Variants in RBP2 observed in about 807,000 individuals in gnomAD.
RBP2 encodes the protein retinol binding protein 2, also known as retinol-binding protein 2.
RBP2 carries 17 observed loss-of-function variants against 17.0 expected under a neutral mutation model. That is an observed-to-expected ratio of 1.00 (90% CI 0.68 to 1.50). The LOEUF (loss-of-function observed/expected upper bound fraction) is 1.50. Ranked by LOEUF, RBP2 falls within the 40% of genes most tolerant of loss-of-function variation. RBP2 has a pLI of 0.00. For synonymous variants in RBP2, 48 were observed against 57.1 expected (o/e 0.84, Z 0.72); for missense variants, 158 against 168.2 (o/e 0.94, Z 0.33).
intron 1 of RBP2, among the ~76,000 whole-genome samples, chr3:139,472,565 T>C (rs1253525518): frequency 1.3e-5 from 2 of 152,150 alleles, no homozygotes; most frequent in African/African-American, 4.8e-5. Context: ...AGACCACATG[T>C]AGATGCTGAA....
rs1036053867 is a variant in RBP2, at chr3:139,464,197, C to T, written c.74-1907G>A. Reference sequence around the variant, plus strand: ...CTTTGGGTCTGGGCCTGGTGGCTCACGCCTGTAATCCCAGCACTTTGGGAG... The same window carrying T: ...CTTTGGGTCTGGGCCTGGTGGCTCATGCCTGTAATCCCAGCACTTTGGGAG... On this transcript the variant is annotated intron_variant, in intron 1 of 3. Transcript: ENST00000232217. Among the ~76,000 whole-genome samples, 12 of 152,266 alleles carry T rather than the reference C, an allele frequency of 7.9e-5. No homozygotes were observed. In the South Asian group the frequency reaches 1.9e-3, roughly 24 times the overall value.
intron 3 of RBP2, among the ~76,000 whole-genome samples, 196 bp downstream of exon 3, chr3:139,454,533 A>G (rs926960498): frequency 6.6e-6 from 1 of 152,244 alleles, no homozygotes; most frequent in Non-Finnish European, 1.5e-5. Context: ...CTGTTCACAG[A>G]AACAGCCATA....
intron 1 of RBP2, among the ~76,000 whole-genome samples, chr3:139,464,964 A>G (rs1023311731): frequency 6.6e-6 from 1 of 152,206 alleles, no homozygotes; most frequent in Non-Finnish European, 1.5e-5. Flanking sequence ...AAAGACTTCT[A>G]TGGTTTAAAA....
intron 1 of RBP2, among the ~76,000 whole-genome samples, chr3:139,463,272 T>C (rs1933253728): frequency 6.6e-6 from 1 of 151,814 alleles, no homozygotes; most frequent in Non-Finnish European, 1.5e-5. Flanking sequence ...CTATAAGCTC[T>C]GCCTCCCAGG....
chr3:139,453,138 C>T lies in RBP2; in HGVS notation c.383G>A (p.Arg128His), dbSNP rs117646086. The change falls in exon 4 of 4, where the codon CGT becomes CAT. Residue 128 changes from arginine (R) to histidine (H), a missense_variant. Transcript: ENST00000232217. ...LELTCGDQVC[R>H]QVFKKK ...CCATCATTTCTTTTTGAACACTTGA[C>T]GGCACACCTGGTCACCACAGGTCAG... 1.4e-4 allele frequency: 229 copies of T among 1,614,144 alleles called. No homozygotes were observed. Among genetic ancestry groups the T allele is most frequent in the East Asian group, 1.2e-3 (56 of 44,876 alleles).
chr3:139,454,723 A>G lies in RBP2; in HGVS notation c.354+6T>C, dbSNP rs2233817. The G allele has an allele frequency of 0.16, 260,254 of 1,613,070 alleles. 29,024 individuals carry two copies. The highest frequency in any genetic ancestry group is 0.58 in the African/African-American group (43,335 of 74,908). On this transcript the variant is annotated splice_donor_region_variant and intron_variant, in intron 3 of 3. Transcript: ENST00000232217. Reference sequence around the variant, plus strand: ...GGAAGTGAGCTGAGCAGAACCCAGTACTTACCAGGTACAGCTTGTCCCCCT... The same window carrying G: ...GGAAGTGAGCTGAGCAGAACCCAGTGCTTACCAGGTACAGCTTGTCCCCCT...
intron 1 of RBP2, among the ~76,000 whole-genome samples, chr3:139,462,558 AACACAC>A (rs59601422): frequency 5.4e-4 from 66 of 121,386 alleles, no homozygotes; most frequent in East Asian, 5.4e-3. Flanking sequence ...GCAGCTCCCC[AACACAC>A]ACACACACAC....
intron 2 of RBP2, among the ~76,000 whole-genome samples, chr3:139,459,400 ATGTGTGTGTGTG>A (rs57107462): frequency 3.1e-5 from 4 of 128,552 alleles, no homozygotes; most frequent in South Asian, 5.3e-4. Context: ...TACTATATAT[ATGTGTGTGTGTG>A]TGTGTGTGTG....
chr3:139,472,417 G>T (rs1483424819), intron 1 of RBP2, among the ~76,000 whole-genome samples: 1 of 152,188 alleles, frequency 6.6e-6, no homozygotes, highest in African/African-American at 2.4e-5. Context: ...AGGCAGGCTT[G>T]TACCACTTCA....
intron 1 of RBP2, among the ~76,000 whole-genome samples, chr3:139,474,216 A>C (rs1933654395): frequency 6.6e-6 from 1 of 152,206 alleles, no homozygotes; most frequent in African/African-American, 2.4e-5. Flanking sequence ...ACAACTTGTG[A>C]GCCCCTTACT....
chr3:139,453,258 G>A, intron 3 of RBP2, 92 bp from the exon 4 acceptor site: 1 of 1,393,368 alleles, frequency 7.2e-7, no homozygotes, highest in South Asian at 1.2e-5. Context: ...GTGGGAGGTT[G>A]GAATAAAGAG....
In RBP2 at chr3:139,468,674, GCA is replaced by G. The variant is rs3836323; in HGVS notation, c.74-6386_74-6385del. Among the ~76,000 whole-genome samples, 334 of 150,648 alleles carry G rather than the reference GCA, an allele frequency of 2.2e-3. 1 individual carries two copies. The highest frequency in any genetic ancestry group is 3.6e-3 in the Admixed American group (54 of 15,130). On this transcript the variant is annotated intron_variant, in intron 1 of 3. Coordinates refer to ENST00000232217, the MANE Select transcript of RBP2 (RefSeq NM_004164.3). ...CACACACACAAACACACACACACAT[GCA>G]CACACACACACACAGATTATAAAAA...
chr3:139,463,846 T>G (rs1190145523), intron 1 of RBP2, among the ~76,000 whole-genome samples: 1 of 151,968 alleles, frequency 6.6e-6, no homozygotes, highest in East Asian at 1.9e-4. Context: ...ACTGAGAAGG[T>G]TTTAAAAAAC....
At chr3:139,453,668 A>G (rs1409054301) in intron 3 of RBP2, among the ~76,000 whole-genome samples, 1 of 152,230 alleles carries the variant, frequency 6.6e-6, no homozygotes, top group Admixed American at 6.5e-5. Flanking sequence ...TGTGCAGCCG[A>G]CAAGGTCCCG....
chr3:139,452,997 G>T lies in RBP2; in HGVS notation c.*119C>A, dbSNP rs1035778085. On this transcript the variant is annotated 3_prime_UTR_variant, in exon 4 of 4. Coordinates refer to ENST00000232217, the MANE Select transcript of RBP2 (RefSeq NM_004164.3). Reference sequence around the variant, plus strand: ...AGGCATTCTGTTTAAAACCCACCCAGATGCCTTAATGGGGCTCTGTCAAGA... The same window carrying T: ...AGGCATTCTGTTTAAAACCCACCCATATGCCTTAATGGGGCTCTGTCAAGA... 91 of 1,123,666 alleles carry T rather than the reference G, an allele frequency of 8.1e-5. 1 individual carries two copies. The African/African-American group carries it at 1.2e-3, about 15-fold the overall frequency. The allele number at this position is 1,123,666 out of a possible 1,614,324, so 69.6% of individuals were successfully genotyped here.
At chr3:139,453,596 GGCTGGTGGTGGCGCAGGTACCC>G (rs1267163645) in intron 3 of RBP2, among the ~76,000 whole-genome samples, 1 of 152,248 alleles carries the variant, frequency 6.6e-6, no homozygotes, top group African/African-American at 2.4e-5. Flanking sequence ...TTAGAACATT[GGCTGGTGGTGGCGCAGGTACCC>G]GCAGGGTGTG....
chr3:139,471,935 C>G (rs915644411), intron 1 of RBP2, among the ~76,000 whole-genome samples: 2 of 152,244 alleles, frequency 1.3e-5, no homozygotes, highest in Non-Finnish European at 1.5e-5. Flanking sequence ...TAGACCCTCT[C>G]CTTGCAAGGT....
intron 1 of RBP2, among the ~76,000 whole-genome samples, chr3:139,475,057 C>T (rs1384070296): frequency 5.9e-5 from 9 of 152,040 alleles, no homozygotes; most frequent in Admixed American, 2.0e-4. Flanking sequence ...TGCGGTGGCT[C>T]ACGTCTGTAA....
intron 2 of RBP2, among the ~76,000 whole-genome samples, chr3:139,460,993 A>T (rs960812372): frequency 6.6e-6 from 1 of 152,234 alleles, no homozygotes; most frequent in Non-Finnish European, 1.5e-5. Context: ...CTTGGACTGC[A>T]TATCCCTGGG....
Sources: gnomAD v4.1 joint callset for allele counts (sites outside exome capture counted in the v4.1 genomes callset) on GRCh38, gnomAD v4.1.1 for gene constraint, MANE v1.5 for transcripts, NCBI Gene and HGNC (gene_info 2026-07-23, HGNC 2026-07-21) for gene names.